The following SUPT20H variants were observed in gnomAD, a reference collection of about 807,000 sequenced individuals.
The protein encoded by SUPT20H is SPT20 homolog, SAGA complex component, also known as transcription factor SPT20 homolog.
Under a neutral mutation model 122.8 loss-of-function variants are expected in SUPT20H, and 82 were observed. The ratio of observed to expected loss-of-function variants is 0.67; its 90% CI spans 0.56 to 0.80. The LOEUF is 0.80. SUPT20H is among the 30% of genes least tolerant of loss of function. The probability of loss-of-function intolerance (pLI) is 0.00; values close to 1 mark genes in which losing one functional copy is unlikely to be tolerated. For missense variants in SUPT20H, 831 were observed against 921.6 expected (o/e 0.90, Z 1.27); for synonymous variants, 291 against 313.0 (o/e 0.93, Z 0.74).
intron 5 of SUPT20H, 112 bp from the exon 6 acceptor site, chr13:37,045,485 TTATGATTCTGAA>T: frequency 7.5e-7 from 1 of 1,337,056 alleles, no homozygotes; most frequent in Non-Finnish European, 1.0e-6. Flanking sequence ...TCTTTCTGCA[TTATGATTCTGAA>T]TAAATGGAGA....
intron 1 of SUPT20H, among the ~76,000 whole-genome samples, chr13:37,055,999 C>T (rs1382154271): frequency 2.0e-5 from 3 of 152,128 alleles, no homozygotes; most frequent in African/African-American, 7.2e-5. Context: ...TTTATACAGC[C>T]AAAAGACACA....
chr13:37,056,972 A>C (rs2069215210), intron 1 of SUPT20H: 1 of 152,106 alleles, frequency 6.6e-6, no homozygotes, highest in Non-Finnish European at 1.5e-5. Flanking sequence ...GTTGAAGCTC[A>C]CTCTGCCTAG....
chr13:37,041,824 T>C (rs2065524104), intron 7 of SUPT20H, among the ~76,000 whole-genome samples: 1 of 152,206 alleles, frequency 6.6e-6, no homozygotes, highest in African/African-American at 2.4e-5. Context: ...GCAATAAACA[T>C]GTAAACAGAA....
Position 37,059,556 on chromosome 13 carries a change from C to G in SUPT20H, c.-94+3G>C, listed in dbSNP as rs2070191827. 1 of 152,550 alleles carries G rather than the reference C, an allele frequency of 6.6e-6. No homozygotes were observed. Among genetic ancestry groups the G allele is most frequent in the South Asian group, 2.1e-4 (1 of 4,840 alleles). The allele number at this position is 152,550 out of a possible 1,614,324, so 9.4% of individuals were successfully genotyped here. On this transcript the variant is annotated splice_donor_region_variant and intron_variant, in intron 1 of 25. Coordinates refer to ENST00000350612, the MANE Select transcript of SUPT20H (RefSeq NM_001014286.3). ...TGGCCACCCACCTACCGCCACCGCC[C>G]ACCTGTGCGGGTCGCCTCGCCGCTA...
intron 9 of SUPT20H, chr13:37,039,756 A>G (rs2065134316): frequency 6.6e-6 from 1 of 152,156 alleles, no homozygotes; most frequent in South Asian, 2.1e-4. Context: ...TCAGTTAATA[A>G]TGTAGAAAAG....
intron 19 of SUPT20H, chr13:37,023,095 CCTTA>C (rs1440619257): frequency 3.2e-6 from 4 of 1,251,816 alleles, no homozygotes; most frequent in Admixed American, 2.5e-5. Context: ...GTCACTCAAC[CCTTA>C]CTTAAAGTAA....
rs781177589 is a variant in SUPT20H at position 37,017,314 on chromosome 13, C to T, written c.1923G>A (p.Gln641=). The T allele has an allele frequency of 2.5e-6, 4 of 1,614,026 alleles. No homozygotes were observed. The highest frequency in any genetic ancestry group is 3.3e-5 in the Admixed American group (2 of 60,016). ...GTTGTTGTGGTGTAAACTGGGAGAG[C>T]TGCTGTTGCTGCTGCTGCAGAGTGT... ...IFNTLQQQQQ[Q]LSQFTPQQPQ... The change falls in exon 23 of 26, where the codon CAG becomes CAA. Residue 641 remains glutamine, a synonymous_variant. Transcript: ENST00000350612.
At chr13:37,010,686 G>T (rs1423199818) in intron 24 of SUPT20H, 31 bp from the exon 25 acceptor site, 9 of 1,582,796 alleles carry the variant, frequency 5.7e-6, no homozygotes, top group Admixed American at 3.4e-5. Flanking sequence ...AAGCAGGCCA[G>T]TCAAAAAGTT....
rs147407012 is a variant in SUPT20H, at chr13:37,058,798, A to T, written c.-94+761T>A. ...CCGGCATCTGTTTTTACATTTCTTT[A>T]AAAAAAGCAAAGCAATTAAAAAAAG... On this transcript the variant is annotated intron_variant, in intron 1 of 25. Transcript: ENST00000350612. Among the ~76,000 whole-genome samples the T allele has an allele frequency of 1.8e-3, 274 of 152,254 alleles. 1 individual carries two copies. Among genetic ancestry groups the T allele is most frequent in the African/African-American group, 6.0e-3 (251 of 41,546 alleles).
Position 37,009,808 on chromosome 13 carries a change from T to C in SUPT20H, c.2204A>G (p.Gln735Arg), listed in dbSNP as rs773864661. ...CATTTGATGCTGCAAGAATCGCAAC[T>C]GCTGCAAAAGGGAGGGAAAAAAATC... The part of the protein sequence containing the change: ...AFQQQQQQIQ[Q>R]LRFLQHQMAM... Residue 735 changes from glutamine to arginine, a missense_variant and splice_region_variant, in exon 26 of 26, where the codon CAG becomes CGG. By Grantham distance (43) the Gln-to-Arg change is conservative (BLOSUM62 1). Coordinates refer to ENST00000350612, the MANE Select transcript of SUPT20H (RefSeq NM_001014286.3). 2.1e-5 allele frequency: 34 copies of C among 1,609,760 alleles called. No homozygotes were observed. Among genetic ancestry groups the C allele is most frequent in the Non-Finnish European group, 2.9e-5 (34 of 1,178,786 alleles).
intron 6 of SUPT20H, 91 bp downstream of exon 6, chr13:37,045,156 T>C (rs2066193966): frequency 5.8e-6 from 9 of 1,545,322 alleles, no homozygotes; most frequent in Non-Finnish European, 7.0e-6. Context: ...GAAGGACAAA[T>C]GCTTTAGCAG....
rs2059216847 is a variant in SUPT20H, at chr13:37,009,493, G to A, written c.*179C>T. 5.7e-6 allele frequency: 5 copies of A among 881,684 alleles called. No individual in the cohort carries two copies. The South Asian group carries it at 6.9e-5, about 12-fold the overall frequency. 54.6% of individuals were successfully genotyped at this position (881,684 alleles called of 1,614,324 possible). A position where few individuals can be genotyped will look rare whatever the true frequency, so the allele number is the denominator to read the frequency against. ...CAATGACTTAGGCAAACCAACCCTA[G>A]TTTGTTAAACCATTTCCCTGTTTTT... On this transcript the variant is annotated 3_prime_UTR_variant, in exon 26 of 26. Coordinates refer to ENST00000350612, the MANE Select transcript of SUPT20H (RefSeq NM_001014286.3).
chr13:37,030,652 G>A (rs1017227912), intron 12 of SUPT20H, among the ~76,000 whole-genome samples: 16 of 152,284 alleles, frequency 1.1e-4, no homozygotes, highest in African/African-American at 3.6e-4. Flanking sequence ...CAGACTTGCT[G>A]AGTAGCAACC....
chr13:37,027,898 G>A (rs758502277), intron 14 of SUPT20H, among the ~76,000 whole-genome samples: 10 of 152,080 alleles, frequency 6.6e-5, no homozygotes, highest in Non-Finnish European at 1.0e-4. Flanking sequence ...GATATCACAG[G>A]AATAGCCTTC....
intron 9 of SUPT20H, among the ~76,000 whole-genome samples, chr13:37,035,713 G>T (rs933305148): frequency 6.6e-6 from 1 of 152,028 alleles, no homozygotes; most frequent in Non-Finnish European, 1.5e-5. Context: ...TGTATTTTTA[G>T]TAGAGACAGG....
At chr13:37,033,808 T>C (rs182305293) in intron 9 of SUPT20H, among the ~76,000 whole-genome samples, 128 of 152,354 alleles carry the variant, frequency 8.4e-4, no homozygotes, top group African/African-American at 2.9e-3. Flanking sequence ...CCTCATTTTA[T>C]TGTGGTTCGC....
intron 1 of SUPT20H, among the ~76,000 whole-genome samples, chr13:37,058,043 C>T (rs1017696452): frequency 8.1e-5 from 12 of 147,954 alleles, no homozygotes; most frequent in South Asian, 2.1e-4. Flanking sequence ...GCGGGTGGGT[C>T]ACTTGAGGTC....
intron 9 of SUPT20H, among the ~76,000 whole-genome samples, chr13:37,033,850 G>A (rs1277434558): frequency 6.6e-6 from 1 of 152,180 alleles, no homozygotes; most frequent in Non-Finnish European, 1.5e-5. Flanking sequence ...TTGAAGATCT[G>A]TGGCAATTTT....
intron 1 of SUPT20H, among the ~76,000 whole-genome samples, chr13:37,055,555 G>T (rs1206159039): frequency 1.3e-5 from 2 of 152,208 alleles, no homozygotes; most frequent in South Asian, 2.1e-4. Context: ...GGGAAAACTG[G>T]CTAGCCATAT....
Sources: gnomAD v4.1 joint callset for allele counts (sites outside exome capture counted in the v4.1 genomes callset) on GRCh38, gnomAD v4.1.1 for gene constraint, MANE v1.5 for transcripts, NCBI Gene and HGNC (gene_info 2026-07-23, HGNC 2026-07-21) for gene names.